CSMD1: variants seen among roughly 807,000 people sequenced by gnomAD.
CSMD1 encodes the protein CUB and sushi domain-containing protein 1.
Under a neutral mutation model 417.5 loss-of-function variants are expected in CSMD1, and 213 were observed. That is an observed-to-expected ratio of 0.51 (90% CI 0.46 to 0.57). CSMD1 has a LOEUF of 0.57. CSMD1 is among the 20% of genes least tolerant of loss of function. The pLI, the probability that CSMD1 is intolerant of heterozygous loss-of-function variation, is 0.00. For missense variants in CSMD1, 6,923 were observed against 4,529.7 expected (o/e 1.53, Z -15.17); for synonymous variants, 2,862 against 1,736.8 (o/e 1.65, Z -16.11).
At chr8:3,609,167 C>G (rs150197821) in intron 8 of CSMD1, among the ~76,000 whole-genome samples, 1 of 152,298 alleles carries the variant, frequency 6.6e-6, no homozygotes, top group South Asian at 2.1e-4. Context: ...TGAATTTCAA[C>G]GCTTCTACTT....
intron 8 of CSMD1, among the ~76,000 whole-genome samples, chr8:3,589,592 G>T (rs1274187712): frequency 6.6e-6 from 1 of 152,120 alleles, no homozygotes; most frequent in East Asian, 1.9e-4. Context: ...ACTCCCAGTA[G>T]CAGAGTGTGG....
At chr8:3,657,379 A>C (rs1798182178) in intron 7 of CSMD1, among the ~76,000 whole-genome samples, 1 of 152,218 alleles carries the variant, frequency 6.6e-6, no homozygotes, top group Non-Finnish European at 1.5e-5. Context: ...ATGAAACTAT[A>C]AAACTGTATG....
At chr8:4,068,741 T>C (rs1799389641) in intron 3 of CSMD1, among the ~76,000 whole-genome samples, 1 of 152,210 alleles carries the variant, frequency 6.6e-6, no homozygotes, top group Admixed American at 6.5e-5. Context: ...GCGCTGTGTA[T>C]TTCTGTACCA....
At chr8:3,337,246 A>T (rs1807323277) in intron 23 of CSMD1, among the ~76,000 whole-genome samples, 1 of 152,208 alleles carries the variant, frequency 6.6e-6, no homozygotes, top group African/African-American at 2.4e-5. Context: ...CAAAAGCAGA[A>T]AATATTTTGA....
At chr8:3,812,995 T>C (rs1801168075) in intron 5 of CSMD1, among the ~76,000 whole-genome samples, 1 of 152,114 alleles carries the variant, frequency 6.6e-6, no homozygotes, top group Non-Finnish European at 1.5e-5. Context: ...AAATCTGGAA[T>C]TAACTCTTAG....
rs567564830 is a variant in CSMD1 at position 4,267,060 on chromosome 8, G to C, written c.415+152893C>G. Among the ~76,000 whole-genome samples the C allele has an allele frequency of 2.9e-5, 3 of 103,742 alleles. 1 individual carries two copies. The East Asian group carries it at 7.8e-4, about 27-fold the overall frequency. The allele number at this position is 103,742 out of a possible 152,430, so 68.1% of individuals were successfully genotyped here. A position where few individuals can be genotyped will look rare whatever the true frequency, so the allele number is the denominator to read the frequency against. ...TAACAGAAACCATTCCTGTTAAAGA[G>C]ACAAGAATAGAGTGTCTGTTTACTT... On this transcript the variant is annotated intron_variant, in intron 3 of 69. Transcript: ENST00000635120.
At chr8:3,196,268 T>C (rs1796697678) in intron 33 of CSMD1, among the ~76,000 whole-genome samples, 1 of 152,154 alleles carries the variant, frequency 6.6e-6, no homozygotes, top group Admixed American at 6.5e-5. Context: ...GAAATCCTAG[T>C]TAAAGGAATT....
At chr8:3,301,570 T>G (rs1217027294) in intron 25 of CSMD1, among the ~76,000 whole-genome samples, 1 of 151,936 alleles carries the variant, frequency 6.6e-6, no homozygotes, top group Non-Finnish European at 1.5e-5. Context: ...TGGAGGTGAG[T>G]CAATGAGGAG....
intron 9 of CSMD1, among the ~76,000 whole-genome samples, chr8:3,584,447 G>T (rs1219421689): frequency 1.3e-5 from 2 of 152,142 alleles, no homozygotes; most frequent in Non-Finnish European, 2.9e-5. Context: ...ATCTCTAAGC[G>T]TGAGTAGCTG....
chr8:4,844,026 G>A (rs1229101964), intron 1 of CSMD1, among the ~76,000 whole-genome samples: 5 of 152,312 alleles, frequency 3.3e-5, no homozygotes, highest in Non-Finnish European at 5.9e-5. Flanking sequence ...CTCTCAGCCT[G>A]TAGACTACGG....
At chr8:4,381,091 G>T (rs540347303) in intron 3 of CSMD1, among the ~76,000 whole-genome samples, 74 of 152,254 alleles carry the variant, frequency 4.9e-4, no homozygotes, top group African/African-American at 1.7e-3. Context: ...AGTAATTGTG[G>T]TTTTAGCCAT....
chr8:4,001,408 G>A (rs952000373), intron 4 of CSMD1, among the ~76,000 whole-genome samples: 4 of 152,146 alleles, frequency 2.6e-5, no homozygotes, highest in Non-Finnish European at 5.9e-5. Flanking sequence ...TGCAGAAGGT[G>A]TCTAGGGAGT....
intron 33 of CSMD1, among the ~76,000 whole-genome samples, chr8:3,196,818 C>A (rs1436546457): frequency 1.3e-5 from 2 of 152,108 alleles, no homozygotes; most frequent in Non-Finnish European, 2.9e-5. Context: ...AGTTTCATTC[C>A]TGGGAGAGTG....
chr8:4,611,091 T>A (rs1025691034), intron 2 of CSMD1, among the ~76,000 whole-genome samples: 2 of 152,152 alleles, frequency 1.3e-5, no homozygotes, highest in African/African-American at 4.8e-5. Flanking sequence ...CCATAGAGAA[T>A]TGCCTACTGC....
chr8:4,610,961 A>G (rs1801136617), intron 2 of CSMD1, among the ~76,000 whole-genome samples: 1 of 152,238 alleles, frequency 6.6e-6, no homozygotes, highest in African/African-American at 2.4e-5. Context: ...TTGTAGTTTT[A>G]AAACTTAGTA....
At chr8:4,753,195 A>G (rs1164046093) in intron 1 of CSMD1, among the ~76,000 whole-genome samples, 1 of 152,068 alleles carries the variant, frequency 6.6e-6, no homozygotes, top group Non-Finnish European at 1.5e-5. Flanking sequence ...GACAGGAGTA[A>G]GGCCCGGGTC....
At chr8:4,102,995 T>C (rs1801383951) in intron 3 of CSMD1, among the ~76,000 whole-genome samples, 1 of 152,172 alleles carries the variant, frequency 6.6e-6, no homozygotes, top group Non-Finnish European at 1.5e-5. Context: ...TAAAAATATT[T>C]GTATTCTAAA....
intron 49 of CSMD1, 103 bp downstream of exon 49, chr8:3,086,994 C>CTT (rs1317139628): frequency 2.8e-6 from 3 of 1,079,548 alleles, no homozygotes; most frequent in Non-Finnish European, 4.0e-6. Context: ...TCAATTTTTC[C>CTT]TTACCTTTTA....
chr8:4,015,661 TAAAAA>T (rs11371186), intron 4 of CSMD1, among the ~76,000 whole-genome samples: 3 of 97,490 alleles, frequency 3.1e-5, no homozygotes, highest in Admixed American at 1.1e-4. Context: ...GTTTGAATCT[TAAAAA>T]AAAAAAAAAA....
Sources: allele counts gnomAD v4.1 joint callset (sites outside exome capture counted in the v4.1 genomes callset), GRCh38; gene constraint gnomAD v4.1.1; transcripts MANE v1.5; gene names NCBI Gene and HGNC (gene_info 2026-07-23, HGNC 2026-07-21).